The following RARB variants were observed in gnomAD, a reference collection of about 807,000 sequenced individuals.
RARB encodes the protein HBV-activated protein.
In RARB, 17 loss-of-function variants were observed where a neutral mutation model predicts 51.9. That is an observed-to-expected ratio of 0.33 (90% CI 0.22 to 0.49). RARB has a LOEUF of 0.49. RARB is among the 20% of genes least tolerant of loss of function. RARB has a pLI of 0.99. For missense variants in RARB, 369 were observed against 550.8 expected (o/e 0.67, Z 3.30); for synonymous variants, 215 against 195.4 (o/e 1.10, Z -0.84).
At chr3:24,932,399 C>T (rs141855707) in intron 2 of RARB, among the ~76,000 whole-genome samples, 36 of 152,170 alleles carry the variant, frequency 2.4e-4, no homozygotes, top group African/African-American at 8.2e-4. Context: ...CAACAGCTCT[C>T]GTTTGTGTAG....
In RARB at chr3:25,065,749, T is replaced by C. The variant is rs186249230; in HGVS notation, c.-328+5573T>C. ...AAATGCTCTACACTAACCCAACTTA[T>C]GTGGGTCACACACATGAAGAATGAT... On this transcript the variant is annotated intron_variant, in intron 3 of 11. Transcript: ENST00000383772. 6.6e-5 allele frequency among the ~76,000 whole-genome samples: 10 copies of C among 152,324 alleles called. No homozygotes were observed. In the East Asian group the frequency reaches 1.2e-3, roughly 18 times the overall value.
chr3:24,915,280 A>T (rs978507966), intron 2 of RARB, among the ~76,000 whole-genome samples: 1 of 152,256 alleles, frequency 6.6e-6, no homozygotes, highest in African/African-American at 2.4e-5. Context: ...AGTCACAGAC[A>T]TAAAAGTACA....
intron 3 of RARB, among the ~76,000 whole-genome samples, chr3:25,087,176 T>G (rs780463023): frequency 7.2e-5 from 11 of 152,122 alleles, no homozygotes; most frequent in Non-Finnish European, 7.4e-5. Flanking sequence ...TGGTCAGCTG[T>G]GGCTGAATTC....
intron 1 of RARB, among the ~76,000 whole-genome samples, chr3:25,448,853 C>T (rs747823467): frequency 5.3e-5 from 8 of 152,126 alleles, no homozygotes; most frequent in African/African-American, 1.9e-4. Flanking sequence ...TAAGGATGTT[C>T]AGTGTCTACT....
chr3:24,907,533 A>G (rs953013670), intron 2 of RARB, among the ~76,000 whole-genome samples: 4 of 152,222 alleles, frequency 2.6e-5, no homozygotes, highest in South Asian at 2.1e-4. Flanking sequence ...ACTAACTCCA[A>G]AGCATCCCGT....
intron 3 of RARB, among the ~76,000 whole-genome samples, chr3:25,507,271 T>G (rs757500175): frequency 1.3e-5 from 2 of 151,454 alleles, no homozygotes; most frequent in Non-Finnish European, 2.9e-5. Context: ...GGGTTAAATG[T>G]GACCAGTTTT....
At chr3:25,542,802 G>A (rs1699440302) in intron 3 of RARB, among the ~76,000 whole-genome samples, 1 of 152,156 alleles carries the variant, frequency 6.6e-6, no homozygotes, top group Non-Finnish European at 1.5e-5. Flanking sequence ...CTTACTAAGG[G>A]CCCTCCCAAG....
In RARB at chr3:25,007,592, C is replaced by CAAAAAAAAAAAAA. The variant is rs759589176; in HGVS notation, c.-379-52521_-379-52520insAAAAAAAAAAAAA. 9.5e-4 allele frequency among the ~76,000 whole-genome samples: 43 copies of CAAAAAAAAAAAAA among 45,366 alleles called. 4 individuals are homozygous for CAAAAAAAAAAAAA. Among genetic ancestry groups the CAAAAAAAAAAAAA allele is most frequent in the South Asian group, 6.0e-3 (6 of 1,004 alleles). 29.8% of individuals were successfully genotyped at this position (45,366 alleles called of 152,430 possible). A position where few individuals can be genotyped will look rare whatever the true frequency, so the allele number is the denominator to read the frequency against. On this transcript the variant is annotated intron_variant, in intron 2 of 11. Coordinates refer to the RARB transcript ENST00000383772. ...CCTGGGCAACAGAGTGAGACTGTCTCAAAAAAAAAAAACAAAAAAACCTCA... is the reference window on the plus strand; with the variant it reads ...CCTGGGCAACAGAGTGAGACTGTCTCAAAAAAAAAAAAAAAAAAAAAAAAACAAAAAAACCTCA...
At chr3:24,893,524 T>A (rs937766069) in intron 2 of RARB, among the ~76,000 whole-genome samples, 1 of 152,154 alleles carries the variant, frequency 6.6e-6, no homozygotes, top group East Asian at 1.9e-4. Context: ...TAATACTGAT[T>A]TAATTTTTTT....
At chr3:25,390,005 C>G (rs1706905224) in intron 5 of RARB, among the ~76,000 whole-genome samples, 1 of 152,102 alleles carries the variant, frequency 6.6e-6, no homozygotes, top group South Asian at 2.1e-4. Flanking sequence ...TAAAACAAGG[C>G]TGGCGGAAAG....
At chr3:25,556,428 G>C (rs1700060971) in intron 3 of RARB, among the ~76,000 whole-genome samples, 1 of 152,040 alleles carries the variant, frequency 6.6e-6, no homozygotes, top group Admixed American at 6.6e-5. Flanking sequence ...CCCCTCAATG[G>C]CATTCAGGAC....
chr3:25,553,095 G>T (rs565934791), intron 3 of RARB, among the ~76,000 whole-genome samples: 31 of 151,182 alleles, frequency 2.1e-4, no homozygotes, highest in African/African-American at 7.5e-4. Context: ...AGGAGTTAAA[G>T]TACTTACATA....
intron 1 of RARB, chr3:25,441,385 C>T (rs1708674824): frequency 7.9e-6 from 2 of 253,076 alleles, no homozygotes; most frequent in East Asian, 1.1e-4. Flanking sequence ...AGCCTAATTT[C>T]ACGGAGTACC....
intron 2 of RARB, among the ~76,000 whole-genome samples, chr3:24,979,523 G>T (rs190146004): frequency 1.3e-5 from 2 of 151,118 alleles, no homozygotes; most frequent in Non-Finnish European, 2.9e-5. Context: ...ATCTTTGTTG[G>T]TTTAAAATTT....
intron 3 of RARB, among the ~76,000 whole-genome samples, chr3:25,545,223 G>T (rs953583095): frequency 6.6e-6 from 1 of 152,142 alleles, no homozygotes; most frequent in Non-Finnish European, 1.5e-5. Flanking sequence ...GGGATTACAG[G>T]CATGAGCCAC....
chr3:25,393,734 A>G (rs1707038077), intron 5 of RARB, among the ~76,000 whole-genome samples: 1 of 151,922 alleles, frequency 6.6e-6, no homozygotes, highest in Non-Finnish European at 1.5e-5. Flanking sequence ...GATCTTTTGT[A>G]TTTCTGTGGT....
intron 5 of RARB, among the ~76,000 whole-genome samples, chr3:25,184,681 T>G (rs1475997584): frequency 6.6e-6 from 1 of 152,136 alleles, no homozygotes; most frequent in Admixed American, 6.5e-5. Context: ...ATGTTGTTCA[T>G]GATCAATTTA....
chr3:24,911,791 A>T (rs896498083), intron 2 of RARB, among the ~76,000 whole-genome samples: 5 of 152,196 alleles, frequency 3.3e-5, no homozygotes, highest in African/African-American at 1.2e-4. Context: ...TGTCTCTTAA[A>T]AAAGTACCAT....
chr3:25,486,907 C>T (rs73822903), intron 2 of RARB, among the ~76,000 whole-genome samples: 1,860 of 152,228 alleles, frequency 0.012, 41 homozygotes, highest in African/African-American at 0.043. Flanking sequence ...TAAGTATATT[C>T]TTCTTACTCT....
Sources: allele counts gnomAD v4.1 joint callset (sites outside exome capture counted in the v4.1 genomes callset), GRCh38; gene constraint gnomAD v4.1.1; transcripts MANE v1.5; gene names NCBI Gene and HGNC (gene_info 2026-07-23, HGNC 2026-07-21).